ANKRD6: variants seen among roughly 807,000 people sequenced by gnomAD.
ANKRD6 encodes ankyrin repeat domain-containing protein 6.
ANKRD6 carries 56 observed loss-of-function variants against 82.3 expected under a neutral mutation model. The observed-to-expected ratio is 0.68, with a 90% CI of 0.55 to 0.85. The LOEUF is 0.85. Ranked by LOEUF, ANKRD6 falls within the 40% of genes least tolerant of loss-of-function variation. ANKRD6 has a pLI of 0.00. For synonymous variants in ANKRD6, 347 were observed against 352.1 expected (o/e 0.99, Z 0.16); for missense variants, 852 against 907.6 (o/e 0.94, Z 0.79).
At chr6:89,582,208 T>G (rs1792699923) in intron 2 of ANKRD6, among the ~76,000 whole-genome samples, 1 of 152,170 alleles carries the variant, frequency 6.6e-6, no homozygotes, top group Non-Finnish European at 1.5e-5. Context: ...CCCAGACAAT[T>G]AAAAAAATTT....
rs1223578465 is a variant in ANKRD6 at position 89,632,315 on chromosome 6, GTTTT to G, written c.*1314_*1317del. 6.6e-6 allele frequency: 1 copy of G among 151,792 alleles called. No individual in the cohort carries two copies. The highest frequency in any genetic ancestry group is 2.1e-4 in the South Asian group (1 of 4,792). 9.4% of individuals were successfully genotyped at this position (151,792 alleles called of 1,614,324 possible). A position where few individuals can be genotyped will look rare whatever the true frequency, so the allele number is the denominator to read the frequency against. On this transcript the variant is annotated 3_prime_UTR_variant, in exon 16 of 16. Transcript: ENST00000339746. ...TCCCTTTGTCAAGCTCAGTTTTAGG[GTTTT>G]TTCTTTTTTTTATAGTGACAATCCA...
intron 1 of ANKRD6, among the ~76,000 whole-genome samples, chr6:89,478,982 A>G (rs1230993582): frequency 6.6e-6 from 1 of 152,126 alleles, no homozygotes; most frequent in Admixed American, 6.5e-5. Context: ...TGAGACAGTA[A>G]GTCTCTGTTG....
intron 1 of ANKRD6, among the ~76,000 whole-genome samples, chr6:89,437,865 C>T (rs1770847385): frequency 6.6e-6 from 1 of 152,150 alleles, no homozygotes; most frequent in Non-Finnish European, 1.5e-5. Flanking sequence ...GCAATTTCAA[C>T]TCACTGCAAC....
intron 2 of ANKRD6, among the ~76,000 whole-genome samples, chr6:89,579,284 C>G (rs1470897556): frequency 6.6e-6 from 1 of 152,228 alleles, no homozygotes; most frequent in Non-Finnish European, 1.5e-5. Flanking sequence ...TCAGTATATG[C>G]AAACTACTTA....
At chr6:89,615,692 GA>G (rs1801392893) in intron 7 of ANKRD6, among the ~76,000 whole-genome samples, 1 of 152,186 alleles carries the variant, frequency 6.6e-6, no homozygotes, top group African/African-American at 2.4e-5. Flanking sequence ...AAAGATGGCT[GA>G]ATGTTCATGC....
At chr6:89,591,600 C>A (rs563810168) in intron 2 of ANKRD6, among the ~76,000 whole-genome samples, 3 of 152,308 alleles carry the variant, frequency 2.0e-5, no homozygotes. Context: ...GTCGGACATG[C>A]CTGGGGGCAT....
chr6:89,526,374 C>G (rs1782496566), intron 1 of ANKRD6, among the ~76,000 whole-genome samples: 1 of 152,186 alleles, frequency 6.6e-6, no homozygotes, highest in African/African-American at 2.4e-5. Context: ...CCTCCTTCAG[C>G]CTTGCTCCTA....
intron 2 of ANKRD6, among the ~76,000 whole-genome samples, chr6:89,589,953 G>A (rs1254166202): frequency 1.3e-5 from 2 of 152,182 alleles, no homozygotes; most frequent in Non-Finnish European, 2.9e-5. Context: ...GGCCTCAGAT[G>A]GCCCAGCCTG....
chr6:89,507,696 A>C (rs1325478529), intron 1 of ANKRD6, among the ~76,000 whole-genome samples: 3 of 152,204 alleles, frequency 2.0e-5, no homozygotes, highest in Non-Finnish European at 4.4e-5. Context: ...ATAAAAACTG[A>C]AATTGGCAGA....
At position 89,630,436 on chromosome 6, in the gene ANKRD6, T is replaced by C. The variant is rs1169431004; in HGVS notation, c.1616T>C (p.Val539Ala). Residue 539 changes from valine to alanine, a missense_variant, in exon 16 of 16, where the codon GTG (valine) becomes GCG (alanine). Physicochemically the swap from Val to Ala is moderately conservative, Grantham distance 64 (BLOSUM62 0). Coordinates refer to ENST00000339746, the MANE Select transcript of ANKRD6 (RefSeq NM_001242809.2). ...TTTGTTTTCCTTCTGAAACCAGGTG[T>C]GGACCAATTAGTGGTGACTGCAGGT... ...TPSTCESSTG[V>A]DQLVVTAGPA... The C allele has an allele frequency of 2.5e-6, 4 of 1,609,852 alleles. No homozygotes were observed. Among genetic ancestry groups the C allele is most frequent in the Non-Finnish European group, 3.4e-6 (4 of 1,177,780 alleles).
At chr6:89,629,495 C>CT in intron 15 of ANKRD6, 1 of 487,208 alleles carries the variant, frequency 2.1e-6, no homozygotes, top group Middle Eastern at 3.4e-4. Flanking sequence ...ATAACATTGC[C>CT]TTGAGTACAG....
chr6:89,477,643 T>G (rs1009922062), intron 1 of ANKRD6, among the ~76,000 whole-genome samples: 1 of 151,410 alleles, frequency 6.6e-6, no homozygotes, highest in African/African-American at 2.4e-5. Flanking sequence ...TGGTGGCGGG[T>G]GCCTGTAGTC....
chr6:89,521,267 A>C (rs1781852699), intron 1 of ANKRD6, among the ~76,000 whole-genome samples: 1 of 152,184 alleles, frequency 6.6e-6, no homozygotes, highest in Admixed American at 6.5e-5. Flanking sequence ...TAATGAAAAG[A>C]ATCCTACAAG....
At chr6:89,600,495 G>A (rs1192063718) in intron 3 of ANKRD6, among the ~76,000 whole-genome samples, 1 of 152,078 alleles carries the variant, frequency 6.6e-6, no homozygotes, top group East Asian at 1.9e-4. Flanking sequence ...GTTTTTATTG[G>A]TCCAAAGAGC....
intron 1 of ANKRD6, among the ~76,000 whole-genome samples, chr6:89,550,997 T>TA (rs1785775709): frequency 6.6e-6 from 1 of 152,164 alleles, no homozygotes; most frequent in African/African-American, 2.4e-5. Flanking sequence ...TATACACACA[T>TA]ACATATAAAT....
rs1301239846 is a variant in ANKRD6 at position 89,632,975 on chromosome 6, T to G, written c.*1971T>G. 3.3e-5 allele frequency: 5 copies of G among 152,226 alleles called. No individual in the cohort carries two copies. The highest frequency in any genetic ancestry group is 9.6e-5 in the African/African-American group (4 of 41,452). 9.4% of individuals were successfully genotyped at this position (152,226 alleles called of 1,614,324 possible). A position where few individuals can be genotyped will look rare whatever the true frequency, so the allele number is the denominator to read the frequency against. On this transcript the variant is annotated 3_prime_UTR_variant, in exon 16 of 16. Transcript: ENST00000339746. ...AAATATCTCCTATTACCTCAAGGTA[T>G]CCTTGTTGAGGAATGCTGAAAACTA...
chr6:89,598,097 T>G, intron 3 of ANKRD6: 1 of 985,254 alleles, frequency 1.0e-6, no homozygotes, highest in Non-Finnish European at 1.2e-6. Context: ...CTACAGATAC[T>G]GATCTTTATG....
chr6:89,622,137 C>T (rs1803619492), intron 10 of ANKRD6, 111 bp downstream of exon 10: 2 of 853,326 alleles, frequency 2.3e-6, no homozygotes, highest in Non-Finnish European at 3.7e-6. Flanking sequence ...CTCTCTGCCT[C>T]TCCTCCTTGC....
intron 1 of ANKRD6, among the ~76,000 whole-genome samples, chr6:89,514,509 C>T (rs1024846520): frequency 6.6e-6 from 1 of 151,966 alleles, no homozygotes; most frequent in African/African-American, 2.4e-5. Context: ...CCAGTGAAGC[C>T]AAAAGATTGG....
Sources: gnomAD v4.1 joint callset for allele counts (sites outside exome capture counted in the v4.1 genomes callset) on GRCh38, gnomAD v4.1.1 for gene constraint, MANE v1.5 for transcripts, NCBI Gene and HGNC (gene_info 2026-07-23, HGNC 2026-07-21) for gene names.